Variants in NF1 observed in about 807,000 individuals in gnomAD.
The protein encoded by NF1 is neurofibromin.
Under a neutral mutation model 325.7 loss-of-function variants are expected in NF1, and 122 were observed. The observed-to-expected ratio is 0.37, with a 90% CI of 0.32 to 0.44. NF1 has a LOEUF of 0.44. Among genes scored for constraint, NF1 ranks in the 20% least tolerant of loss-of-function variants. The probability of loss-of-function intolerance (pLI) is 1.00; values close to 1 mark genes in which losing one functional copy is unlikely to be tolerated. For missense variants in NF1, 2,140 were observed against 3,415.4 expected (o/e 0.63, Z 9.31); for synonymous variants, 1,091 against 1,186.0 (o/e 0.92, Z 1.65).
intron 36 of NF1, among the ~76,000 whole-genome samples, chr17:31,292,515 G>A (rs1016161936): frequency 3.9e-5 from 6 of 152,092 alleles, no homozygotes; most frequent in African/African-American, 1.4e-4. Flanking sequence ...CCTGTGGAAC[G>A]TGCTTCCTTG....
chr17:31,192,430 CGTT>C (rs2066361983), intron 8 of NF1, among the ~76,000 whole-genome samples: 1 of 152,158 alleles, frequency 6.6e-6, no homozygotes, highest in East Asian at 1.9e-4. Context: ...TAAATTTAGA[CGTT>C]GTCTGGTTGA....
At chr17:31,155,866 G>C (rs2065651109) in intron 1 of NF1, 117 bp from the exon 2 acceptor site, 1 of 1,129,680 alleles carries the variant, frequency 8.9e-7, no homozygotes, top group Admixed American at 2.2e-5. Context: ...GCAAGTATAG[G>C]TATCTGTGGT....
At chr17:31,250,225 G>T in intron 30 of NF1, 1 of 317,580 alleles carries the variant, frequency 3.1e-6, no homozygotes, top group Non-Finnish European at 6.1e-6. Flanking sequence ...GGAAAATCCT[G>T]TATAGTTTTT....
At chr17:31,106,702 A>G (rs925186197) in intron 1 of NF1, among the ~76,000 whole-genome samples, 1 of 152,198 alleles carries the variant, frequency 6.6e-6, no homozygotes, top group Non-Finnish European at 1.5e-5. Flanking sequence ...TAAGCATTAT[A>G]TATCCTTGAT....
intron 9 of NF1, 143 bp from the exon 10 acceptor site, chr17:31,200,894 C>G (rs1467460733): frequency 8.6e-7 from 1 of 1,158,226 alleles, no homozygotes; most frequent in East Asian, 2.3e-5. Context: ...ACTGATGAAC[C>G]ACAGTATGGG....
chr17:31,283,970 A>G (rs935765201), intron 36 of NF1, among the ~76,000 whole-genome samples: 1 of 152,232 alleles, frequency 6.6e-6, no homozygotes, highest in African/African-American at 2.4e-5. Flanking sequence ...GTGGTAAAGC[A>G]AGTCTTTGCC....
At position 31,305,658 on chromosome 17, in the gene NF1, A is replaced by G. The variant is rs190016033; in HGVS notation, c.4836-20162A>G. 8 of 1,558,842 alleles carry G rather than the reference A, an allele frequency of 5.1e-6. No homozygotes were observed. In the African/African-American group the frequency reaches 1.1e-4, roughly 21 times the overall value. On this transcript the variant is annotated intron_variant, in intron 36 of 57. Transcript: ENST00000358273. ...ATAGCGGGTTTATAATGAAAGAGAAAGACAGTTAGGCGTCATTGGTGTCTA... is the reference window on the plus strand; with the variant it reads ...ATAGCGGGTTTATAATGAAAGAGAAGGACAGTTAGGCGTCATTGGTGTCTA...
Position 31,376,521 on chromosome 17 carries a change from T to C in NF1, c.*2366T>C, listed in dbSNP as rs2070733547. Reference sequence around the variant, plus strand: ...AAATTTACCTTGTTTAAAGAACTTCTGACTTTTGAGGAAAATCTAGCTTTC... The same window carrying C: ...AAATTTACCTTGTTTAAAGAACTTCCGACTTTTGAGGAAAATCTAGCTTTC... On this transcript the variant is annotated 3_prime_UTR_variant, in exon 58 of 58. Coordinates refer to ENST00000358273, the MANE Select transcript of NF1 (RefSeq NM_001042492.3). 1 of 232,688 alleles carries C rather than the reference T, an allele frequency of 4.3e-6. No individual in the cohort carries two copies. The highest frequency in any genetic ancestry group is 1.8e-4 in the South Asian group (1 of 5,532). 14.4% of individuals were successfully genotyped at this position (232,688 alleles called of 1,614,324 possible).
In NF1 at chr17:31,342,991, C is replaced by G. The variant is rs191381093; in HGVS notation, c.7063-18C>G. The G allele has an allele frequency of 5.6e-6, 9 of 1,614,006 alleles. No individual in the cohort carries two copies. The East Asian group carries it at 2.0e-4, about 36-fold the overall frequency. On this transcript the variant is annotated intron_variant, in intron 47 of 57. Coordinates refer to ENST00000358273, the MANE Select transcript of NF1 (RefSeq NM_001042492.3). ...ACTGTGTGAACCTCATCAACCATCTCATGATTATCTTTAATAGAGTCCAGA... is the reference window on the plus strand; with the variant it reads ...ACTGTGTGAACCTCATCAACCATCTGATGATTATCTTTAATAGAGTCCAGA...
intron 31 of NF1, chr17:31,253,297 G>T (rs976925483): frequency 4.7e-5 from 15 of 319,964 alleles, no homozygotes; most frequent in Admixed American, 3.5e-4. Flanking sequence ...TGAATGCAAA[G>T]AAACTTAATT....
At position 31,340,659 on chromosome 17, in the gene NF1, G is replaced by A. The variant is rs768671815; in HGVS notation, c.7062+14G>A. 1 of 1,613,660 alleles carries A rather than the reference G, an allele frequency of 6.2e-7. No individual in the cohort carries two copies. Among genetic ancestry groups the A allele is most frequent in the Non-Finnish European group, 8.5e-7 (1 of 1,179,762 alleles). ...TTCAATGACAAGGTAAGCAAACTTT[G>A]CCTTGAGGTTCCTAGATTACTCAAA... On this transcript the variant is annotated intron_variant, in intron 47 of 57. Coordinates refer to ENST00000358273, the MANE Select transcript of NF1 (RefSeq NM_001042492.3).
intron 29 of NF1, among the ~76,000 whole-genome samples, chr17:31,244,860 C>T (rs139076950): frequency 3.4e-4 from 52 of 152,214 alleles, no homozygotes; most frequent in African/African-American, 7.5e-4. Flanking sequence ...ATAAGGGGGA[C>T]GATCCCTGGA....
At chr17:31,309,490 A>G (rs190369009) in intron 36 of NF1, among the ~76,000 whole-genome samples, 1 of 152,266 alleles carries the variant, frequency 6.6e-6, no homozygotes, top group Non-Finnish European at 1.5e-5. Context: ...CCTACCCATT[A>G]TTCTTATAGA....
rs756567782 is a variant in NF1 at position 31,357,300 on chromosome 17, T to C, written c.7901T>C (p.Phe2634Ser). The C allele has an allele frequency of 3.1e-6, 5 of 1,614,066 alleles. No homozygotes were observed. The highest frequency in any genetic ancestry group is 4.2e-6 in the Non-Finnish European group (5 of 1,179,924). The change falls in exon 54 of 58, where the codon TTT (phenylalanine) becomes TCT (serine). Residue 2634 changes from phenylalanine to serine, a missense_variant. This residue lies in a region of NF1 where 522 missense variants were observed against 749.0 expected (regional missense o/e 0.70). Transcript: ENST00000358273. ...CTGGTAAAATATACCACAGATGAGT[T>C]TGATCAACGAATTCTTTATGAATAC... ...ATLVKYTTDEFDQRILYEYLA... is the reference protein window; with the variant it reads ...ATLVKYTTDESDQRILYEYLA...
At position 31,332,573 on chromosome 17, in the gene NF1, G is replaced by GTTT. The variant is rs566009086; in HGVS notation, c.5812+2075_5812+2076insTTT. Among the ~76,000 whole-genome samples, 17 of 91,934 alleles carry GTTT rather than the reference G, an allele frequency of 1.8e-4. 3 individuals carry two copies. Among genetic ancestry groups the GTTT allele is most frequent in the Middle Eastern group, 6.3e-3 (1 of 160 alleles). The allele number at this position is 91,934 out of a possible 152,430, so 60.3% of individuals were successfully genotyped here. On this transcript the variant is annotated intron_variant, in intron 39 of 57. Coordinates refer to ENST00000358273, the MANE Select transcript of NF1 (RefSeq NM_001042492.3). ...GGATTAACAGTAACATACAGATCAT[G>GTTT]GTTTTTTTTTTTTTTTTATTATACT...
intron 1 of NF1, among the ~76,000 whole-genome samples, chr17:31,114,399 G>A (rs1359792922): frequency 2.6e-5 from 4 of 152,106 alleles, no homozygotes; most frequent in African/African-American, 7.2e-5. Flanking sequence ...TTAGCTGGGC[G>A]TGGTGGCGGG....
intron 36 of NF1, among the ~76,000 whole-genome samples, chr17:31,319,378 A>T (rs1215402355): frequency 6.6e-6 from 1 of 152,036 alleles, no homozygotes; most frequent in East Asian, 1.9e-4. Flanking sequence ...TTCTTTAAAA[A>T]AAAAAAAAAA....
At chr17:31,313,793 T>C (rs1189812637) in intron 36 of NF1, among the ~76,000 whole-genome samples, 1 of 151,136 alleles carries the variant, frequency 6.6e-6, no homozygotes, top group Non-Finnish European at 1.5e-5. Context: ...TATACAAACC[T>C]AGGTGAAAAT....
At chr17:31,203,986 G>A (rs2066576512) in intron 11 of NF1, among the ~76,000 whole-genome samples, 1 of 151,928 alleles carries the variant, frequency 6.6e-6, no homozygotes, top group African/African-American at 2.4e-5. Flanking sequence ...TTATTATAAT[G>A]CAGGTTCCTA....
Sources: allele counts gnomAD v4.1 joint callset (sites outside exome capture counted in the v4.1 genomes callset), GRCh38; gene constraint gnomAD v4.1.1; regional missense constraint gnomAD v4.1.1; transcripts MANE v1.5; gene names NCBI Gene and HGNC (gene_info 2026-07-23, HGNC 2026-07-21).